CSTF3: variants seen among roughly 807,000 people sequenced by gnomAD.
CSTF3 encodes cleavage stimulation factor subunit 3.
Under a neutral mutation model 105.8 loss-of-function variants are expected in CSTF3, and 29 were observed. The observed-to-expected ratio is 0.27, with a 90% CI of 0.20 to 0.37. The LOEUF is 0.37. CSTF3 is among the 10% of genes least tolerant of loss of function. CSTF3 has a pLI of 1.00. For synonymous variants in CSTF3, 252 were observed against 281.9 expected (o/e 0.89, Z 1.06); for missense variants, 357 against 879.3 (o/e 0.41, Z 7.51).
At chr11:33,131,014 AGT>A (rs1435966571) in intron 3 of CSTF3, among the ~76,000 whole-genome samples, 2 of 152,180 alleles carry the variant, frequency 1.3e-5, no homozygotes, top group African/African-American at 2.4e-5. Context: ...TGGGCAACAG[AGT>A]GAGACCCTGT....
intron 3 of CSTF3, among the ~76,000 whole-genome samples, chr11:33,124,548 C>T (rs950212005): frequency 1.3e-5 from 2 of 151,828 alleles, no homozygotes; most frequent in African/African-American, 4.8e-5. Context: ...TCATTTTTGC[C>T]CTGAAAAAAG....
chr11:33,150,219 T>TA (rs10714096), intron 1 of CSTF3, among the ~76,000 whole-genome samples: 14,498 of 104,420 alleles, frequency 0.14, 2,120 homozygotes, highest in African/African-American at 0.41. Context: ...TGTCTCAAAC[T>TA]AAAAAAAAAA....
At chr11:33,155,115 G>A (rs12808995) in intron 1 of CSTF3, among the ~76,000 whole-genome samples, 12,770 of 151,934 alleles carry the variant, frequency 0.084, 643 homozygotes, top group East Asian at 0.13. Flanking sequence ...CCAGCGCTTT[G>A]GAAGGCCAAG....
Position 33,148,186 on chromosome 11 carries a change from A to G in CSTF3, c.28-6200T>C, listed in dbSNP as rs111226829. On this transcript the variant is annotated intron_variant, in intron 1 of 20. Coordinates refer to ENST00000323959, the MANE Select transcript of CSTF3 (RefSeq NM_001326.3). ...TGATATCCAACCAAGCATAATCACA[A>G]TAAGACGTATACATGTCTCCTTAAT... 6.5e-3 allele frequency among the ~76,000 whole-genome samples: 996 copies of G among 152,264 alleles called. 7 individuals carry two copies. The highest frequency in any genetic ancestry group is 0.024 in the Middle Eastern group (7 of 294).
chr11:33,148,004 G>C (rs1382291214), intron 1 of CSTF3, among the ~76,000 whole-genome samples: 2 of 151,848 alleles, frequency 1.3e-5, no homozygotes, highest in Non-Finnish European at 2.9e-5. Context: ...TTTTACTCTT[G>C]ATACAAGGTC....
chr11:33,149,934 G>T (rs1220228302), intron 1 of CSTF3, among the ~76,000 whole-genome samples: 2 of 152,128 alleles, frequency 1.3e-5, no homozygotes, highest in Non-Finnish European at 2.9e-5. Flanking sequence ...CAGGAGAATT[G>T]CTTGAATCCA....
chr11:33,085,604 A>G (rs1855096711), intron 20 of CSTF3, 109 bp downstream of exon 20: 1 of 1,003,866 alleles, frequency 1.0e-6, no homozygotes, highest in Non-Finnish European at 1.5e-6. Flanking sequence ...ACTGCACTTC[A>G]AATTGGCTGG....
intron 1 of CSTF3, among the ~76,000 whole-genome samples, chr11:33,158,987 T>TA (rs138008678): frequency 0.068 from 10,156 of 150,376 alleles, 491 homozygotes; most frequent in Admixed American, 0.14. Context: ...TGATTCTGGT[T>TA]AAAAAAAAAA....
chr11:33,121,702 G>A lies in CSTF3; in HGVS notation c.226-13284C>T, dbSNP rs148895366. ...CATTAAAATGTAAAGACAGTTGAAG[G>A]GAAAAAAACCTGAATGGCAAGCTCT... On this transcript the variant is annotated intron_variant, in intron 3 of 20. Coordinates refer to ENST00000323959, the MANE Select transcript of CSTF3 (RefSeq NM_001326.3). 7.1e-3 allele frequency among the ~76,000 whole-genome samples: 1,074 copies of A among 152,112 alleles called. 4 individuals carry two copies. Among genetic ancestry groups the A allele is most frequent in the Non-Finnish European group, 0.011 (739 of 67,966 alleles).
intron 3 of CSTF3, among the ~76,000 whole-genome samples, chr11:33,127,286 T>C (rs1855553226): frequency 6.6e-6 from 1 of 152,174 alleles, no homozygotes; most frequent in African/African-American, 2.4e-5. Flanking sequence ...AAAAACCTGA[T>C]TCTTAAACAT....
At position 33,096,436 on chromosome 11, in the gene CSTF3, T is replaced by C. The variant is rs374757793; in HGVS notation, c.1273-28A>G. 1.6e-4 allele frequency: 223 copies of C among 1,400,436 alleles called. 1 individual carries two copies. The African/African-American group carries it at 2.8e-3, about 18-fold the overall frequency. 86.8% of individuals were successfully genotyped at this position (1,400,436 alleles called of 1,614,324 possible). A position where few individuals can be genotyped will look rare whatever the true frequency, so the allele number is the denominator to read the frequency against. ...ACAAGTAAAGAAAGTAAAGTACAGATTTCCATGAAATGTCAGATAAAAAAC... is the reference window on the plus strand; with the variant it reads ...ACAAGTAAAGAAAGTAAAGTACAGACTTCCATGAAATGTCAGATAAAAAAC... On this transcript the variant is annotated intron_variant, in intron 14 of 20. Coordinates refer to ENST00000323959, the MANE Select transcript of CSTF3 (RefSeq NM_001326.3).
chr11:33,158,960 A>C (rs578039053), intron 1 of CSTF3, among the ~76,000 whole-genome samples: 169 of 152,274 alleles, frequency 1.1e-3, no homozygotes, highest in African/African-American at 3.9e-3. Context: ...TAAATGATTC[A>C]ATATGTAAAT....
At chr11:33,107,226 A>C (rs1479738102) in intron 5 of CSTF3, among the ~76,000 whole-genome samples, 1 of 152,162 alleles carries the variant, frequency 6.6e-6, no homozygotes, top group African/African-American at 2.4e-5. Context: ...CTGAGGTGGG[A>C]GGATCACTTG....
chr11:33,161,200 T>A, intron 1 of CSTF3, 99 bp downstream of exon 1: 7 of 1,351,930 alleles, frequency 5.2e-6, no homozygotes, highest in Non-Finnish European at 7.3e-6. Context: ...CCGGGTTCAC[T>A]AGACCCAATT....
At chr11:33,146,067 G>A (rs7110531) in intron 1 of CSTF3, among the ~76,000 whole-genome samples, 12 of 150,786 alleles carry the variant, frequency 8.0e-5, no homozygotes, top group South Asian at 6.3e-4. Context: ...TGAAACCCCC[G>A]TCTCTACTAA....
intron 1 of CSTF3, among the ~76,000 whole-genome samples, chr11:33,146,458 T>G (rs2133802866): frequency 6.6e-6 from 1 of 151,656 alleles, no homozygotes; most frequent in Middle Eastern, 3.4e-3. Flanking sequence ...GAGGCTAAGG[T>G]GGAAAGATCG....
At chr11:33,107,379 G>T (rs1210439288) in intron 5 of CSTF3, among the ~76,000 whole-genome samples, 1 of 152,112 alleles carries the variant, frequency 6.6e-6, no homozygotes, top group Non-Finnish European at 1.5e-5. Flanking sequence ...CAGAATTTTA[G>T]TAACAGACAT....
intron 1 of CSTF3, among the ~76,000 whole-genome samples, chr11:33,150,369 C>A (rs1242341527): frequency 6.6e-6 from 1 of 152,088 alleles, no homozygotes; most frequent in Non-Finnish European, 1.5e-5. Flanking sequence ...CTATCAAAAT[C>A]CAGTTTTGCT....
intron 3 of CSTF3, among the ~76,000 whole-genome samples, chr11:33,124,483 A>G (rs936217206): frequency 5.3e-5 from 8 of 152,178 alleles, no homozygotes; most frequent in African/African-American, 1.9e-4. Flanking sequence ...GCACTAAACC[A>G]ATCAAGTGAG....
Sources: gnomAD v4.1 joint callset for allele counts (sites outside exome capture counted in the v4.1 genomes callset) on GRCh38, gnomAD v4.1.1 for gene constraint, MANE v1.5 for transcripts, NCBI Gene and HGNC (gene_info 2026-07-23, HGNC 2026-07-21) for gene names.